Variants in ITGAM observed in about 807,000 individuals in gnomAD.
ITGAM encodes the protein integrin subunit alpha M.
A neutral mutation model predicts 137.5 loss-of-function variants in ITGAM; 79 were observed. That is an observed-to-expected ratio of 0.57 (90% CI 0.48 to 0.69). The LOEUF is 0.69. ITGAM is among the 30% of genes least tolerant of loss of function. ITGAM has a pLI of 0.00. For synonymous variants in ITGAM, 583 were observed against 592.3 expected (o/e 0.98, Z 0.23); for missense variants, 1,343 against 1,483.5 (o/e 0.91, Z 1.56).
chr16:31,277,988 T>G lies in ITGAM; in HGVS notation c.1235T>G (p.Leu412Ter). Residue 412 changes from leucine (L) to a stop codon, truncating the protein, a stop_gained, in exon 12 of 30, where the codon TTA (leucine) becomes TGA (stop). Transcript: ENST00000544665. LOFTEE classifies it high-confidence loss of function. ...AYLGYAAAII[L>*]RNRVQSLVLG... ...TCAGGTTATGCTGCCGCCATCATCT[T>G]ACGGAACCGGGTGCAAAGCCTGGTT... 4 of 1,601,198 alleles carry G rather than the reference T, an allele frequency of 2.5e-6. No individual in the cohort carries two copies. The highest frequency in any genetic ancestry group is 1.3e-5 in the African/African-American group (1 of 74,782).
chr16:31,261,198 C>CTT (rs1017498448), intron 1 of ITGAM, among the ~76,000 whole-genome samples: 35 of 123,216 alleles, frequency 2.8e-4, no homozygotes, highest in African/African-American at 6.4e-4. Flanking sequence ...ATGCTGCTAT[C>CTT]TTTTTTTTTT....
chr16:31,277,595 TG>T (rs1214381058), intron 11 of ITGAM, among the ~76,000 whole-genome samples: 1 of 152,096 alleles, frequency 6.6e-6, no homozygotes, highest in Non-Finnish European at 1.5e-5. Flanking sequence ...CAACCTCAGG[TG>T]ATCCACCTGC....
At chr16:31,314,037 G>T (rs1314058731) in intron 14 of ITGAM, among the ~76,000 whole-genome samples, 4 of 151,892 alleles carry the variant, frequency 2.6e-5, no homozygotes, top group Non-Finnish European at 5.9e-5. Flanking sequence ...CTTTTGAGAA[G>T]TATCTGTTCA....
intron 16 of ITGAM, 116 bp downstream of exon 16, chr16:31,321,743 C>T: frequency 9.5e-7 from 1 of 1,047,146 alleles, no homozygotes; most frequent in South Asian, 1.6e-5. Flanking sequence ...CAGGCTCTGA[C>T]AACCTTCTCC....
At chr16:31,296,653 G>C (rs2080137619) in intron 12 of ITGAM, among the ~76,000 whole-genome samples, 1 of 152,090 alleles carries the variant, frequency 6.6e-6, no homozygotes, top group Non-Finnish European at 1.5e-5. Context: ...ACTTGTCCCA[G>C]TTTGAAATTG....
rs750138292 is a variant in ITGAM at position 31,330,066 on chromosome 16, C to T, written c.2977-15C>T. The T allele has an allele frequency of 1.2e-6, 2 of 1,611,544 alleles. No homozygotes were observed. Among genetic ancestry groups the T allele is most frequent in the Non-Finnish European group, 1.7e-6 (2 of 1,178,660 alleles). On this transcript the variant is annotated splice_polypyrimidine_tract_variant and intron_variant, in intron 25 of 29. Coordinates refer to ENST00000544665, the MANE Select transcript of ITGAM (RefSeq NM_000632.4). ...CCTTCATCTCTGCCCCTTCTCAGTG[C>T]GTCTCTTTCCTCAGAACCTCTCGAG...
chr16:31,328,002 G>C (rs2080526221), intron 22 of ITGAM, 145 bp from the exon 23 acceptor site: 1 of 669,156 alleles, frequency 1.5e-6, no homozygotes, highest in Non-Finnish European at 2.7e-6. Flanking sequence ...GCTAGGCGGG[G>C]GCAGGGGTTG....
chr16:31,326,104 C>T (rs899029647), intron 21 of ITGAM, among the ~76,000 whole-genome samples: 1 of 152,084 alleles, frequency 6.6e-6, no homozygotes, highest in Non-Finnish European at 1.5e-5. Flanking sequence ...ATAAAGTATA[C>T]AGTTCAGTGG....
intron 12 of ITGAM, among the ~76,000 whole-genome samples, chr16:31,295,684 T>C (rs1194069025): frequency 6.6e-6 from 1 of 151,598 alleles, no homozygotes; most frequent in Non-Finnish European, 1.5e-5. Context: ...ATTTCCTTTT[T>C]TATATCTGAT....
chr16:31,327,411 A>G (rs1597040876), intron 22 of ITGAM, among the ~76,000 whole-genome samples: 1 of 140,696 alleles, frequency 7.1e-6, no homozygotes, highest in Non-Finnish European at 1.5e-5. Context: ...ACATATCAAT[A>G]CCCTGTTTCT....
At chr16:31,309,458 G>A (rs1203828077) in intron 14 of ITGAM, among the ~76,000 whole-genome samples, 2 of 141,144 alleles carry the variant, frequency 1.4e-5, no homozygotes, top group Non-Finnish European at 1.5e-5. Context: ...TGTTTTACCC[G>A]AGACTAGGAT....
At chr16:31,297,017 G>T (rs2080141376) in intron 12 of ITGAM, among the ~76,000 whole-genome samples, 1 of 152,072 alleles carries the variant, frequency 6.6e-6, no homozygotes, top group African/African-American at 2.4e-5. Context: ...GTGGTATTCT[G>T]TCTTCTCTTC....
rs2080502332 is a variant in ITGAM at position 31,325,731 on chromosome 16, T to C, written c.2628+109T>C. ...TTCCTTTTTGTACAAAACAGCTTTA[T>C]TGAGATATAATTCATATACCATCCA... On this transcript the variant is annotated intron_variant, in intron 21 of 29. Coordinates refer to ENST00000544665, the MANE Select transcript of ITGAM (RefSeq NM_000632.4). 7 of 1,336,686 alleles carry C rather than the reference T, an allele frequency of 5.2e-6. No homozygotes were observed. The South Asian group carries it at 7.4e-5, about 14-fold the overall frequency. 82.8% of individuals were successfully genotyped at this position (1,336,686 alleles called of 1,614,324 possible). A position where few individuals can be genotyped will look rare whatever the true frequency, so the allele number is the denominator to read the frequency against.
intron 29 of ITGAM, 147 bp downstream of exon 29, chr16:31,331,422 G>A (rs2080581355): frequency 3.0e-6 from 2 of 676,400 alleles, no homozygotes; most frequent in Middle Eastern, 4.1e-4. Context: ...CTTAGGGAGG[G>A]TGGCCGGGTT....
intron 29 of ITGAM, 147 bp from the exon 30 acceptor site, chr16:31,331,489 A>C (rs1255331715): frequency 8.8e-6 from 6 of 680,228 alleles, no homozygotes; most frequent in Non-Finnish European, 1.5e-5. Flanking sequence ...GTTTTTCTCC[A>C]GGCCCCGACG....
chr16:31,274,129 C>G (rs1034315169), intron 8 of ITGAM, among the ~76,000 whole-genome samples: 5 of 152,178 alleles, frequency 3.3e-5, no homozygotes, highest in Admixed American at 6.5e-5. Flanking sequence ...ATCACAAACG[C>G]CACAAGCTGC....
chr16:31,292,438 C>T (rs1461558310), intron 12 of ITGAM, among the ~76,000 whole-genome samples: 2 of 152,012 alleles, frequency 1.3e-5, no homozygotes, highest in Non-Finnish European at 2.9e-5. Context: ...AAGTAGACCC[C>T]AGTGTCTGTT....
intron 12 of ITGAM, 116 bp downstream of exon 12, chr16:31,278,225 G>T (rs78837306): frequency 0.011 from 12,037 of 1,140,138 alleles, 79 homozygotes; most frequent in Non-Finnish European, 0.013. Flanking sequence ...GGCTTTGGGG[G>T]CTGTGAGCTG....
rs781279844 is a variant in ITGAM, at chr16:31,266,112, G to T, written c.392G>T (p.Arg131Leu). 3 of 1,613,738 alleles carry T rather than the reference G, an allele frequency of 1.9e-6. No individual in the cohort carries two copies. Among genetic ancestry groups the T allele is most frequent in the South Asian group, 2.2e-5 (2 of 91,080 alleles). Residue 131 changes from arginine (R) to leucine (L), a missense_variant, in exon 5 of 30, where the codon CGG (arginine) becomes CTG (leucine). Arg to Leu is a moderately radical substitution (Grantham distance 102). Transcript: ENST00000544665. ...GLCFLFGSNL[R>L]QQPQKFPEAL... ...TGCTTCCTGTTTGGATCCAACCTACGGCAGCAGCCCCAGAAGTTCCCAGAG... is the reference window on the plus strand; with the variant it reads ...TGCTTCCTGTTTGGATCCAACCTACTGCAGCAGCCCCAGAAGTTCCCAGAG...
Sources: allele counts gnomAD v4.1 joint callset (sites outside exome capture counted in the v4.1 genomes callset), GRCh38; gene constraint gnomAD v4.1.1; transcripts MANE v1.5; gene names NCBI Gene and HGNC (gene_info 2026-07-23, HGNC 2026-07-21).